The following RANBP17 variants were observed in gnomAD, a reference collection of about 807,000 sequenced individuals.
The protein encoded by RANBP17 is RAN binding protein 17, also known as ran-binding protein 17.
Under a neutral mutation model 141.2 loss-of-function variants are expected in RANBP17, and 158 were observed. The observed-to-expected ratio is 1.12, with a 90% CI of 0.98 to 1.28. The LOEUF (loss-of-function observed/expected upper bound fraction) is 1.28. Ranked by LOEUF, RANBP17 falls within the 50% of genes most tolerant of loss-of-function variation. The probability of loss-of-function intolerance (pLI) is 0.00; values close to 1 mark genes in which losing one functional copy is unlikely to be tolerated. For synonymous variants in RANBP17, 430 were observed against 450.0 expected (o/e 0.96, Z 0.56); for missense variants, 1,438 against 1,290.7 (o/e 1.11, Z -1.75).
intron 18 of RANBP17, among the ~76,000 whole-genome samples, chr5:171,192,105 A>G (rs1374711466): frequency 6.6e-6 from 1 of 152,244 alleles, no homozygotes; most frequent in Non-Finnish European, 1.5e-5. Flanking sequence ...ACAGAGGTGG[A>G]TATCTCAGGA....
chr5:170,948,881 G>A (rs557092870), intron 12 of RANBP17, among the ~76,000 whole-genome samples: 1 of 152,106 alleles, frequency 6.6e-6, no homozygotes, highest in African/African-American at 2.4e-5. Context: ...CCTGGGTGCG[G>A]TGGCTCATGC....
chr5:170,916,419 A>G (rs757153067), intron 8 of RANBP17, 46 bp from the exon 9 acceptor site: 2 of 1,464,486 alleles, frequency 1.4e-6, no homozygotes, highest in African/African-American at 2.8e-5. Context: ...ACATGTGGCC[A>G]CAGATACTTT....
At chr5:171,117,302 A>G (rs80115271) in intron 14 of RANBP17, among the ~76,000 whole-genome samples, 7,005 of 152,182 alleles carry the variant, frequency 0.046, 204 homozygotes, top group East Asian at 0.12. Flanking sequence ...GTATATAAAC[A>G]GTATTTTGTC....
At chr5:170,869,748 A>G (rs1767560911) in intron 1 of RANBP17, among the ~76,000 whole-genome samples, 1 of 152,170 alleles carries the variant, frequency 6.6e-6, no homozygotes, top group Non-Finnish European at 1.5e-5. Flanking sequence ...ATCTCATACC[A>G]AGATTCTTAA....
At chr5:171,269,019 T>A (rs1766926170) in intron 25 of RANBP17, among the ~76,000 whole-genome samples, 1 of 152,228 alleles carries the variant, frequency 6.6e-6, no homozygotes, top group Non-Finnish European at 1.5e-5. Context: ...AGTAGTGATA[T>A]ATCTTTATTA....
At chr5:171,288,229 G>T (rs1272204489) in intron 25 of RANBP17, among the ~76,000 whole-genome samples, 1 of 152,170 alleles carries the variant, frequency 6.6e-6, no homozygotes, top group East Asian at 1.9e-4. Context: ...AAGGTCTGCT[G>T]AGAACTCTCC....
At chr5:171,024,179 T>C (rs1000343378) in intron 14 of RANBP17, among the ~76,000 whole-genome samples, 7 of 152,128 alleles carry the variant, frequency 4.6e-5, no homozygotes, top group African/African-American at 1.7e-4. Flanking sequence ...AAAAAGGTAA[T>C]TTAAGATAAT....
intron 24 of RANBP17, 133 bp from the exon 25 acceptor site, chr5:171,265,548 C>A: frequency 1.2e-6 from 1 of 808,116 alleles, no homozygotes; most frequent in Non-Finnish European, 2.0e-6. Context: ...CAAATTCCTG[C>A]CCTCAAAGAA....
chr5:171,023,674 C>G (rs1389582097), intron 14 of RANBP17, among the ~76,000 whole-genome samples: 1 of 151,996 alleles, frequency 6.6e-6, no homozygotes, highest in Non-Finnish European at 1.5e-5. Context: ...AAGTGTATTC[C>G]ACTGTCATCT....
At chr5:171,074,240 T>C (rs1357963305) in intron 14 of RANBP17, among the ~76,000 whole-genome samples, 2 of 152,122 alleles carry the variant, frequency 1.3e-5, no homozygotes, top group Non-Finnish European at 2.9e-5. Context: ...CATGAGAACA[T>C]ATTAAAACTC....
chr5:171,072,257 C>T (rs1265764391), intron 14 of RANBP17, among the ~76,000 whole-genome samples: 6 of 152,062 alleles, frequency 3.9e-5, no homozygotes, highest in African/African-American at 1.2e-4. Context: ...TGGAAATGGA[C>T]TTTCCCCTAG....
At chr5:171,276,616 A>T (rs1226489697) in intron 25 of RANBP17, among the ~76,000 whole-genome samples, 1 of 152,190 alleles carries the variant, frequency 6.6e-6, no homozygotes, top group South Asian at 2.1e-4. Flanking sequence ...TCTCTCTTTT[A>T]TCTACAGTTT....
chr5:171,155,575 C>G (rs1758842991), intron 14 of RANBP17, among the ~76,000 whole-genome samples: 1 of 152,098 alleles, frequency 6.6e-6, no homozygotes, highest in Admixed American at 6.6e-5. Context: ...ATGAAATAAA[C>G]TTATTTCCGT....
intron 22 of RANBP17, among the ~76,000 whole-genome samples, chr5:171,230,532 G>A (rs1045692776): frequency 2.6e-5 from 4 of 152,098 alleles, no homozygotes; most frequent in South Asian, 2.1e-4. Flanking sequence ...AGGCCGAGGC[G>A]TGTGGATCAC....
intron 14 of RANBP17, among the ~76,000 whole-genome samples, chr5:170,980,146 A>T (rs372620480): frequency 6.6e-6 from 1 of 152,156 alleles, no homozygotes; most frequent in Non-Finnish European, 1.5e-5. Context: ...CTTGAGGGAG[A>T]TAATTTAGGG....
At chr5:171,156,401 T>C (rs983028997) in intron 14 of RANBP17, among the ~76,000 whole-genome samples, 10 of 152,280 alleles carry the variant, frequency 6.6e-5, no homozygotes, top group Non-Finnish European at 1.3e-4. Context: ...TTTTGATGTG[T>C]GAAATAATTT....
intron 14 of RANBP17, among the ~76,000 whole-genome samples, chr5:171,088,609 G>T (rs950120899): frequency 6.6e-6 from 1 of 152,164 alleles, no homozygotes; most frequent in Non-Finnish European, 1.5e-5. Context: ...CCAATCAGAC[G>T]TAGATTTGGT....
intron 14 of RANBP17, among the ~76,000 whole-genome samples, chr5:171,152,790 C>T (rs951858654): frequency 1.3e-5 from 2 of 152,132 alleles, no homozygotes; most frequent in Non-Finnish European, 2.9e-5. Context: ...TATTATACAC[C>T]AGTCACTATG....
intron 12 of RANBP17, among the ~76,000 whole-genome samples, chr5:170,927,665 T>C (rs1241376799): frequency 6.6e-6 from 1 of 152,114 alleles, no homozygotes; most frequent in Non-Finnish European, 1.5e-5. Flanking sequence ...TTCCTTTTTT[T>C]CTTTGCATAT....
Sources: allele counts gnomAD v4.1 joint callset (sites outside exome capture counted in the v4.1 genomes callset), GRCh38; gene constraint gnomAD v4.1.1; transcripts MANE v1.5; gene names NCBI Gene and HGNC (gene_info 2026-07-23, HGNC 2026-07-21).